TFCP2L1: variants seen among roughly 807,000 people sequenced by gnomAD.
TFCP2L1 encodes the protein transcription factor CP2-like protein 1.
Under a neutral mutation model 72.2 loss-of-function variants are expected in TFCP2L1, and 12 were observed. The ratio of observed to expected loss-of-function variants is 0.17; its 90% CI spans 0.11 to 0.27. TFCP2L1 has a LOEUF of 0.27. TFCP2L1 is among the 10% of genes least tolerant of loss of function. TFCP2L1 has a pLI of 1.00. For missense variants in TFCP2L1, 488 were observed against 624.6 expected (o/e 0.78, Z 2.33); for synonymous variants, 260 against 251.0 (o/e 1.04, Z -0.34).
In TFCP2L1 at chr2:121,222,345, G is replaced by C. The variant is rs1487146403; in HGVS notation, c.*1996C>G. The C allele has an allele frequency of 6.6e-6, 1 of 152,160 alleles. No individual in the cohort carries two copies. Among genetic ancestry groups the C allele is most frequent in the African/African-American group, 2.4e-5 (1 of 41,428 alleles). 9.4% of individuals were successfully genotyped at this position (152,160 alleles called of 1,614,324 possible). A position where few individuals can be genotyped will look rare whatever the true frequency, so the allele number is the denominator to read the frequency against. ...AAAACATATGTCCACACAAAATCTTGTAGAAATATGTTCATAGCAGCATCA... is the reference window on the plus strand; with the variant it reads ...AAAACATATGTCCACACAAAATCTTCTAGAAATATGTTCATAGCAGCATCA... On this transcript the variant is annotated 3_prime_UTR_variant, in exon 15 of 15. Coordinates refer to ENST00000263707, the MANE Select transcript of TFCP2L1 (RefSeq NM_014553.3).
chr2:121,235,362 G>A, intron 10 of TFCP2L1, 51 bp from the exon 11 acceptor site: 1 of 1,581,930 alleles, frequency 6.3e-7, no homozygotes, highest in Non-Finnish European at 8.7e-7. Context: ...CAGAGAAAGG[G>A]CTCGGTCCCC....
intron 5 of TFCP2L1, 134 bp from the exon 6 acceptor site, chr2:121,247,104 C>T: frequency 9.5e-7 from 1 of 1,050,342 alleles, no homozygotes; most frequent in Non-Finnish European, 1.4e-6. Flanking sequence ...TCCCTGCTTT[C>T]CCTGACACTC....
At chr2:121,268,346 C>G (rs1056242783) in intron 2 of TFCP2L1, among the ~76,000 whole-genome samples, 4 of 151,802 alleles carry the variant, frequency 2.6e-5, no homozygotes, top group African/African-American at 7.3e-5. Context: ...CCTATAGTAT[C>G]TTTCCCATTT....
chr2:121,244,292 A>G (rs931720362), intron 6 of TFCP2L1, among the ~76,000 whole-genome samples: 5 of 152,218 alleles, frequency 3.3e-5, no homozygotes, highest in African/African-American at 1.2e-4. Context: ...CCCCACACAC[A>G]GTCCCAGGGA....
Position 121,231,892 on chromosome 2 carries a change from G to A in TFCP2L1, c.1275C>T (p.Ser425=). The change falls in exon 13 of 15, where the codon TCC becomes TCT. Residue 425 remains serine (S), a synonymous_variant. Transcript: ENST00000263707. ...GGTAGACTCGGTGGATGTGCTGGGG[G>A]GAGATGCTGTACAGGTTGGCGATCT... ...IEKIANLYSI[S]PQHIHRVYRQ... is the part of the protein sequence containing the mutation. The A allele has an allele frequency of 1.2e-6, 2 of 1,613,622 alleles. No individual in the cohort carries two copies. Among genetic ancestry groups the A allele is most frequent in the South Asian group, 1.1e-5 (1 of 91,022 alleles).
chr2:121,224,642 G>A (rs1230430899), intron 14 of TFCP2L1, among the ~76,000 whole-genome samples: 1 of 152,152 alleles, frequency 6.6e-6, no homozygotes, highest in Non-Finnish European at 1.5e-5. Flanking sequence ...AGGAGGATTT[G>A]GACAACTGTG....
At position 121,246,548 on chromosome 2, in the gene TFCP2L1, G is replaced by A. The variant is rs377473675; in HGVS notation, c.657+270C>T. Among the ~76,000 whole-genome samples, 26 of 152,308 alleles carry A rather than the reference G, an allele frequency of 1.7e-4. 2 individuals are homozygous for A. In the South Asian group the frequency reaches 4.8e-3, roughly 28 times the overall value. On this transcript the variant is annotated intron_variant, in intron 6 of 14. Transcript: ENST00000263707. ...TTCTTATAGAGTAGCGCCGAGGACC[G>A]ACAGCCAGGACGGACATCCATGCCG...
intron 2 of TFCP2L1, among the ~76,000 whole-genome samples, chr2:121,261,598 G>T (rs1393173965): frequency 1.3e-5 from 2 of 152,134 alleles, no homozygotes; most frequent in African/African-American, 4.8e-5. Context: ...GGTAGAGAAG[G>T]AAAAACTCTT....
chr2:121,237,941 T>C (rs1214621968), intron 8 of TFCP2L1, 91 bp from the exon 9 acceptor site: 1 of 1,346,322 alleles, frequency 7.4e-7, no homozygotes, highest in Admixed American at 2.0e-5. Flanking sequence ...TTTTACTTCC[T>C]ATCAGATGCA....
chr2:121,248,191 A>T lies in TFCP2L1; in HGVS notation c.477T>A (p.Pro159=). The T allele has an allele frequency of 6.2e-7, 1 of 1,613,982 alleles. No individual in the cohort carries two copies. The highest frequency in any genetic ancestry group is 1.1e-5 in the South Asian group (1 of 90,976). The part of the protein sequence containing the change: ...QLNAVEFLWD[P]AKRASAFIQV... ...GAATGAATGCAGAAGCTCTCTTCGC[A>T]GGGTCCCACAAAAACTCGACTGCAT... The change falls in exon 5 of 15, where the codon CCT becomes CCA. Residue 159 remains proline (P), a synonymous_variant. Transcript: ENST00000263707.
In TFCP2L1 at chr2:121,218,499, T is replaced by A. The variant is rs1428602615; in HGVS notation, c.*5842A>T. On this transcript the variant is annotated 3_prime_UTR_variant, in exon 15 of 15. Transcript: ENST00000263707. ...TTCTCTTTGATGAAGGCCTGAAAACTTCCCCTGGCCCCTGCTGCCCACCTC... is the reference window on the plus strand; with the variant it reads ...TTCTCTTTGATGAAGGCCTGAAAACATCCCCTGGCCCCTGCTGCCCACCTC... The A allele has an allele frequency of 6.6e-6, 1 of 152,424 alleles. No individual in the cohort carries two copies. The highest frequency in any genetic ancestry group is 1.5e-5 in the Non-Finnish European group (1 of 68,282). The allele number at this position is 152,424 out of a possible 1,614,324, so 9.4% of individuals were successfully genotyped here.
chr2:121,246,351 C>T (rs1686479797), intron 6 of TFCP2L1, among the ~76,000 whole-genome samples: 2 of 152,148 alleles, frequency 1.3e-5, no homozygotes, highest in Admixed American at 6.6e-5. Context: ...TAACAGGAAG[C>T]CATTGCAAAG....
At chr2:121,224,421 GA>G in intron 14 of TFCP2L1, 34 bp from the exon 15 acceptor site, 8 of 1,608,178 alleles carry the variant, frequency 5.0e-6, no homozygotes, top group South Asian at 3.3e-5. Flanking sequence ...TATTTCACAG[GA>G]AAAAAGGTGC....
chr2:121,254,393 AGTGT>A (rs1204438694), intron 2 of TFCP2L1, among the ~76,000 whole-genome samples: 1 of 152,162 alleles, frequency 6.6e-6, no homozygotes, highest in East Asian at 1.9e-4. Flanking sequence ...CGAGGCGGGG[AGTGT>A]GAGACAGGTT....
At position 121,226,589 on chromosome 2, in the gene TFCP2L1, C is replaced by A. The variant is rs112178907; in HGVS notation, c.1342-976G>T. 4.5e-3 allele frequency among the ~76,000 whole-genome samples: 681 copies of A among 152,194 alleles called. 8 individuals are homozygous for A. The highest frequency in any genetic ancestry group is 0.015 in the African/African-American group (610 of 41,516). On this transcript the variant is annotated intron_variant, in intron 13 of 14. Transcript: ENST00000263707. Reference sequence around the variant, plus strand: ...AAAATATAAAGGAGGGTTCCACTACCTGTGTCTATAAATGTGGCAGGAAAC... The same window carrying A: ...AAAATATAAAGGAGGGTTCCACTACATGTGTCTATAAATGTGGCAGGAAAC...
intron 10 of TFCP2L1, 40 bp downstream of exon 10, chr2:121,237,583 A>C (rs767899665): frequency 6.2e-7 from 1 of 1,609,068 alleles, no homozygotes; most frequent in Non-Finnish European, 8.5e-7. Flanking sequence ...AGTGTCTCCA[A>C]GATACTCATG....
intron 10 of TFCP2L1, among the ~76,000 whole-genome samples, chr2:121,236,272 G>C (rs1378419361): frequency 6.6e-6 from 1 of 152,186 alleles, no homozygotes; most frequent in Admixed American, 6.5e-5. Context: ...GCCCCGGAGA[G>C]GGCTGCGGGA....
chr2:121,241,649 C>T (rs1351286904), intron 7 of TFCP2L1, among the ~76,000 whole-genome samples: 1 of 152,104 alleles, frequency 6.6e-6, no homozygotes, highest in African/African-American at 2.4e-5. Context: ...ACCCTCCAAC[C>T]CCAGAGATCC....
intron 2 of TFCP2L1, among the ~76,000 whole-genome samples, chr2:121,255,624 C>T (rs1339824865): frequency 6.6e-6 from 1 of 152,230 alleles, no homozygotes; most frequent in African/African-American, 2.4e-5. Context: ...AGGTGGAACA[C>T]GTGGCCACTG....
Sources: gnomAD v4.1 joint callset for allele counts (sites outside exome capture counted in the v4.1 genomes callset) on GRCh38, gnomAD v4.1.1 for gene constraint, MANE v1.5 for transcripts, NCBI Gene and HGNC (gene_info 2026-07-23, HGNC 2026-07-21) for gene names.